Variants in KCNK12 observed in about 807,000 individuals in gnomAD.
The protein encoded by KCNK12 is potassium channel subfamily K member 12.
KCNK12 carries 6 observed loss-of-function variants against 25.3 expected under a neutral mutation model. That is an observed-to-expected ratio of 0.24 (90% confidence interval 0.13 to 0.47). KCNK12 has a LOEUF of 0.47. KCNK12 is among the 20% of genes least tolerant of loss of function. The pLI is 0.99. For missense variants in KCNK12, 444 were observed against 661.7 expected (o/e 0.67, Z 3.61); for synonymous variants, 331 against 311.1 (o/e 1.06, Z -0.67).
chr2:47,570,520 G>A lies in KCNK12; in HGVS notation c.-189C>T, dbSNP rs926348097. On this transcript the variant is annotated 5_prime_UTR_variant, in exon 1 of 2. Transcript: ENST00000327876. ...AGAGGGGCGCCTCCGCCTCCTCCCCGGCGCTCAGGCCACACGCGAGTCCCG... is the reference window on the plus strand; with the variant it reads ...AGAGGGGCGCCTCCGCCTCCTCCCCAGCGCTCAGGCCACACGCGAGTCCCG... 1.7e-4 allele frequency: 82 copies of A among 492,620 alleles called. No individual in the cohort carries two copies. Among genetic ancestry groups the A allele is most frequent in the Admixed American group, 1.5e-3 (30 of 20,608 alleles). 30.5% of individuals were successfully genotyped at this position (492,620 alleles called of 1,614,324 possible). A position where few individuals can be genotyped will look rare whatever the true frequency, so the allele number is the denominator to read the frequency against.
intron 1 of KCNK12, among the ~76,000 whole-genome samples, chr2:47,561,167 A>C (rs566374270): frequency 2.2e-4 from 34 of 152,236 alleles, no homozygotes; most frequent in African/African-American, 5.8e-4. Context: ...AAGCACTGCC[A>C]AGAGGCCTCA....
Position 47,528,585 on chromosome 2 carries a change from A to C in KCNK12, c.392-6777T>G, listed in dbSNP as rs1309810083. The stretch of plus-strand genomic sequence containing the variant: ...AAAGGCAAACCCAGCCACCCTGAGA[A>C]TCTCCTCCTCCCCCTCAATCACACC... On this transcript the variant is annotated intron_variant, in intron 1 of 1. Transcript: ENST00000327876. This position sits in a 1 kb window ranked among gnomAD's most constrained non-coding sequence, Gnocchi z 4.5. 1.3e-5 allele frequency among the ~76,000 whole-genome samples: 2 copies of C among 150,964 alleles called. No individual in the cohort carries two copies. The highest frequency in any genetic ancestry group is 3.0e-5 in the Non-Finnish European group (2 of 67,756).
At chr2:47,523,270 A>G (rs140137742) in intron 1 of KCNK12, among the ~76,000 whole-genome samples, 1 of 152,336 alleles carries the variant, frequency 6.6e-6, no homozygotes, top group East Asian at 1.9e-4. Context: ...TGAGGCTGAC[A>G]AAAGGATTGC....
intron 1 of KCNK12, among the ~76,000 whole-genome samples, chr2:47,534,246 T>C (rs1169201191): frequency 6.6e-6 from 1 of 152,008 alleles, no homozygotes; most frequent in Non-Finnish European, 1.5e-5. Context: ...CACTCTGTGC[T>C]TTATCTCTGG....
rs1371777780 is a variant in KCNK12 at position 47,557,885 on chromosome 2, T to A, written c.391+12056A>T. ...TGTGAAGGTAGAAACGGCAGTAAGG[T>A]GGACTTCATGCAGCTGCTGGGTTCC... On this transcript the variant is annotated intron_variant, in intron 1 of 1. Transcript: ENST00000327876. This position sits in a 1 kb window ranked among gnomAD's most constrained non-coding sequence, Gnocchi z 4.9. Among the ~76,000 whole-genome samples, 1 of 152,156 alleles carries A rather than the reference T, an allele frequency of 6.6e-6. No homozygotes were observed. The highest frequency in any genetic ancestry group is 2.1e-4 in the South Asian group (1 of 4,820).
intron 1 of KCNK12, among the ~76,000 whole-genome samples, chr2:47,535,751 T>C (rs1311037303): frequency 2.6e-5 from 4 of 152,046 alleles, no homozygotes; most frequent in Middle Eastern, 3.4e-3. Flanking sequence ...GACTCAGCCT[T>C]AGGTTCAGAG....
In KCNK12 at chr2:47,518,153, G is replaced by A. The variant is rs1291524383; in HGVS notation, c.*2754C>T. ...ACCACATCCCTGCTTCAGGGAAGCA[G>A]TCCCTGTCGTCTGGGGCGCTGAGCC... On this transcript the variant is annotated 3_prime_UTR_variant, in exon 2 of 2. Transcript: ENST00000327876. The surrounding 1 kb of genome is among the most constrained non-coding windows in gnomAD (Gnocchi z 4.1). The A allele has an allele frequency of 6.6e-6, 1 of 152,270 alleles. No homozygotes were observed. The highest frequency in any genetic ancestry group is 1.5e-5 in the Non-Finnish European group (1 of 68,058). The allele number at this position is 152,270 out of a possible 1,614,324, so 9.4% of individuals were successfully genotyped here. A position where few individuals can be genotyped will look rare whatever the true frequency, so the allele number is the denominator to read the frequency against.
chr2:47,563,674 C>T (rs1018519786), intron 1 of KCNK12: 2 of 233,104 alleles, frequency 8.6e-6, no homozygotes, highest in African/African-American at 4.4e-5. Flanking sequence ...CTCCAGCCCC[C>T]ACCCCTAATT....
At position 47,525,428 on chromosome 2, in the gene KCNK12, G is replaced by A. The variant is rs942804986; in HGVS notation, c.392-3620C>T. On this transcript the variant is annotated intron_variant, in intron 1 of 1. Coordinates refer to ENST00000327876, the MANE Select transcript of KCNK12 (RefSeq NM_022055.2). This position sits in a 1 kb window ranked among gnomAD's most constrained non-coding sequence, Gnocchi z 4.1. ...ACAGCCGCTCACAGGCCTACCCAGA[G>A]TGGAGCATGGTGAGGGTTCTGGGAG... 3.3e-5 allele frequency among the ~76,000 whole-genome samples: 5 copies of A among 152,228 alleles called. No individual in the cohort carries two copies. Among genetic ancestry groups the A allele is most frequent in the African/African-American group, 1.2e-4 (5 of 41,468 alleles).
chr2:47,512,292 C>G lies in KCNK12; in HGVS notation c.*8615G>C, dbSNP rs752795617. ...CTCCTACATTTTCTCCTCTCTTCTC[C>G]TTCCTTTCAGAACCTCAGAGTGACA... On this transcript the variant is annotated 3_prime_UTR_variant, in exon 2 of 2. Coordinates refer to ENST00000327876, the MANE Select transcript of KCNK12 (RefSeq NM_022055.2). 1.2e-6 allele frequency: 2 copies of G among 1,612,078 alleles called. No homozygotes were observed. The highest frequency in any genetic ancestry group is 1.7e-5 in the Admixed American group (1 of 59,886).
chr2:47,554,882 G>C (rs1572606036), intron 1 of KCNK12, among the ~76,000 whole-genome samples: 1 of 152,172 alleles, frequency 6.6e-6, no homozygotes, highest in African/African-American at 2.4e-5. Context: ...GAATCAGAAT[G>C]TATTATGCGG....
In KCNK12 at chr2:47,519,578, C is replaced by T. The variant is rs1668602485; in HGVS notation, c.*1329G>A. The T allele has an allele frequency of 6.6e-6, 1 of 152,200 alleles. No individual in the cohort carries two copies. Among genetic ancestry groups the T allele is most frequent in the Non-Finnish European group, 1.5e-5 (1 of 68,050 alleles). The allele number at this position is 152,200 out of a possible 1,614,324, so 9.4% of individuals were successfully genotyped here. On this transcript the variant is annotated 3_prime_UTR_variant, in exon 2 of 2. Transcript: ENST00000327876. ...ATCTGGCCTTCCTCCAGGTCAGGGA[C>T]CCCCTATGCTGCAGAAGGCAAGTCT...
At chr2:47,544,781 T>A (rs779486752) in intron 1 of KCNK12, among the ~76,000 whole-genome samples, 8 of 152,186 alleles carry the variant, frequency 5.3e-5, no homozygotes, top group Non-Finnish European at 8.8e-5. Context: ...GTTGCACTTA[T>A]AACAAACCAT....
At position 47,540,618 on chromosome 2, in the gene KCNK12, C is replaced by T. The variant is rs553007017; in HGVS notation, c.392-18810G>A. Among the ~76,000 whole-genome samples the T allele has an allele frequency of 2.7e-4, 41 of 152,274 alleles. No homozygotes were observed. In the South Asian group the frequency reaches 8.5e-3, roughly 32 times the overall value. On this transcript the variant is annotated intron_variant, in intron 1 of 1. Coordinates refer to ENST00000327876, the MANE Select transcript of KCNK12 (RefSeq NM_022055.2). This position sits in a 1 kb window ranked among gnomAD's most constrained non-coding sequence, Gnocchi z 5.4. ...AAAACCAAAGAAAAGCCATCACTGC[C>T]GATGTCTCTCTTTAAAGATCTGTTA... is the stretch of plus-strand genomic sequence containing the variant.
rs1439027337 is a variant in KCNK12 at position 47,521,209 on chromosome 2, G to A, written c.991C>T (p.Arg331Trp). ...GAGCCTGGGGTGATGGCATTGCGCC[G>A]GGCCAGGGGCGCGCCAGGAGCCGGG... ...CCPAPGAPLARRNAITPGSRL... is the reference protein window; with the variant it reads ...CCPAPGAPLAWRNAITPGSRL... The change falls in exon 2 of 2, where the codon CGG (arginine) becomes TGG (tryptophan). Residue 331 changes from arginine (R) to tryptophan (W), a missense_variant. Physicochemically the swap from Arg to Trp is moderately radical, Grantham distance 101. This residue lies in a region of KCNK12 where 69 missense variants were observed against 81.7 expected (regional missense o/e 0.84). Coordinates refer to ENST00000327876, the MANE Select transcript of KCNK12 (RefSeq NM_022055.2). The A allele has an allele frequency of 1.9e-6, 3 of 1,554,170 alleles. No individual in the cohort carries two copies. The highest frequency in any genetic ancestry group is 1.7e-6 in the Non-Finnish European group (2 of 1,151,082).
Position 47,528,609 on chromosome 2 carries a change from C to T in KCNK12, c.392-6801G>A, listed in dbSNP as rs1668845455. 6.6e-6 allele frequency among the ~76,000 whole-genome samples: 1 copy of T among 152,046 alleles called. No homozygotes were observed. Among genetic ancestry groups the T allele is most frequent in the Non-Finnish European group, 1.5e-5 (1 of 67,998 alleles). The stretch of plus-strand genomic sequence containing the variant: ...AATCTCCTCCTCCCCCTCAATCACA[C>T]CCTGCAGAGGCGTGATCTGTCCCTG... On this transcript the variant is annotated intron_variant, in intron 1 of 1. Coordinates refer to ENST00000327876, the MANE Select transcript of KCNK12 (RefSeq NM_022055.2). This position sits in a 1 kb window ranked among gnomAD's most constrained non-coding sequence, Gnocchi z 4.5.
chr2:47,568,982 G>A lies in KCNK12; in HGVS notation c.391+959C>T, dbSNP rs572506438. Among the ~76,000 whole-genome samples the A allele has an allele frequency of 7.9e-5, 12 of 152,184 alleles. No homozygotes were observed. The East Asian group carries it at 2.3e-3, about 29-fold the overall frequency. ...CCAGGGAAAGTGGGGGATGGGAAAAGTGAGTGAGAGGAGAGGAAGAAAGAG... is the reference window on the plus strand; with the variant it reads ...CCAGGGAAAGTGGGGGATGGGAAAAATGAGTGAGAGGAGAGGAAGAAAGAG... On this transcript the variant is annotated intron_variant, in intron 1 of 1. Transcript: ENST00000327876.
chr2:47,530,329 G>A (rs574107492), intron 1 of KCNK12, among the ~76,000 whole-genome samples: 8 of 152,282 alleles, frequency 5.3e-5, no homozygotes, highest in African/African-American at 9.6e-5. Flanking sequence ...ACACTTGAGA[G>A]GGCACTGGGC....
At position 47,538,830 on chromosome 2, in the gene KCNK12, T is replaced by C. The variant is rs1283375826; in HGVS notation, c.392-17022A>G. On this transcript the variant is annotated intron_variant, in intron 1 of 1. Transcript: ENST00000327876. This position sits in a 1 kb window ranked among gnomAD's most constrained non-coding sequence, Gnocchi z 4.5. ...CAGGGCAAAGTTTAGGTGATATAAA[T>C]GTCCCTGAAATGAGAAAAACCATGA... Among the ~76,000 whole-genome samples, 1 of 152,182 alleles carries C rather than the reference T, an allele frequency of 6.6e-6. No individual in the cohort carries two copies.
Sources: gnomAD v4.1 joint callset for allele counts (sites outside exome capture counted in the v4.1 genomes callset) on GRCh38, gnomAD v4.1.1 for gene constraint, gnomAD v4.1.1 regional missense constraint, Gnocchi (gnomAD v3.1) non-coding constraint, MANE v1.5 for transcripts, NCBI Gene and HGNC (gene_info 2026-07-23, HGNC 2026-07-21) for gene names.